The following CBX7 variants were observed in gnomAD, a reference collection of about 807,000 sequenced individuals.
The protein encoded by CBX7 is chromobox protein homolog 7.
In CBX7, 14 loss-of-function variants were observed where a neutral mutation model predicts 31.4. The ratio of observed to expected loss-of-function variants is 0.45; its 90% CI spans 0.29 to 0.70. The LOEUF (loss-of-function observed/expected upper bound fraction) is 0.70, where lower values mean the gene tolerates loss of function less well. CBX7 is among the 30% of genes least tolerant of loss of function. The pLI, the probability that CBX7 is intolerant of heterozygous loss-of-function variation, is 0.11. For synonymous variants in CBX7, 159 were observed against 152.6 expected, an observed-to-expected ratio of 1.04 and a Z score of -0.31; for missense variants, 269 against 351.9, an observed-to-expected ratio of 0.76 and a Z score of 1.89.
In CBX7 at chr22:39,149,516, G is replaced by A. The variant is rs1930777275; in HGVS notation, c.113+273C>T. ...CCCAGTTGCCAAGAAAAGCCACAGG[G>A]AGGGGAGGAGGGAGAGCAGAAGCTC... is the stretch of plus-strand genomic sequence containing the variant. On this transcript the variant is annotated intron_variant, in intron 2 of 5. Coordinates refer to ENST00000216133, the MANE Select transcript of CBX7 (RefSeq NM_175709.5). The A allele has an allele frequency of 2.5e-5, 13 of 527,152 alleles. No homozygotes were observed. In the South Asian group the frequency reaches 3.1e-4, roughly 13 times the overall value. The allele number at this position is 527,152 out of a possible 1,614,324, so 32.7% of individuals were successfully genotyped here.
chr22:39,134,695 A>G lies in CBX7; in HGVS notation c.304T>C (p.Cys102Arg), dbSNP rs762915001. The change falls in exon 5 of 6, where the codon TGC (cysteine) becomes CGC (arginine). Residue 102 changes from cysteine (C) to arginine (R), a missense_variant. Around this residue, in one of 2 missense-constraint regions of CBX7, gnomAD observed 222 missense variants for 240.4 expected, o/e 0.92. Coordinates refer to ENST00000216133, the MANE Select transcript of CBX7 (RefSeq NM_175709.5). ...CCGAGTGGGCACGTCAGGGAGAAGC[A>G]GAGCTTCTCCTTGCCCTTGGCCTTG... is the stretch of plus-strand genomic sequence containing the variant. ...SHKAKGKEKL[C>R]FSLTCPLGSG... 2.5e-6 allele frequency: 4 copies of G among 1,582,280 alleles called. No individual in the cohort carries two copies. Among genetic ancestry groups the G allele is most frequent in the Non-Finnish European group, 8.6e-7 (1 of 1,163,284 alleles).
At chr22:39,149,764 G>GACAC (rs776024849) in intron 2 of CBX7, 25 bp downstream of exon 2, 1 of 1,609,716 alleles carries the variant, frequency 6.2e-7, no homozygotes, top group Non-Finnish European at 8.5e-7. Flanking sequence ...CAGACAGACA[G>GACAC]ACACACACAC....
At chr22:39,137,339 T>G (rs930292000) in intron 4 of CBX7, among the ~76,000 whole-genome samples, 2 of 19,448 alleles carry the variant, frequency 1.0e-4, no homozygotes, top group African/African-American at 2.1e-4. Flanking sequence ...TTGTTTTTCT[T>G]GTTGGGGTGG....
At chr22:39,141,519 C>T (rs898130860) in intron 2 of CBX7, 83 bp from the exon 3 acceptor site, 39 of 1,163,120 alleles carry the variant, frequency 3.4e-5, no homozygotes, top group East Asian at 5.2e-5. Context: ...GAGGCCGAGG[C>T]GGGCAAATCA....
chr22:39,150,357 C>G (rs1472026628), intron 1 of CBX7, among the ~76,000 whole-genome samples: 1 of 152,174 alleles, frequency 6.6e-6, no homozygotes, highest in African/African-American at 2.4e-5. Flanking sequence ...CTTGAGGACT[C>G]TCAACTCAAA....
Position 39,134,436 on chromosome 22 carries a change from T to A in CBX7, c.563A>T (p.Glu188Val). 6.2e-7 allele frequency: 1 copy of A among 1,603,582 alleles called. No individual in the cohort carries two copies. Among genetic ancestry groups the A allele is most frequent in the Admixed American group, 1.7e-5 (1 of 59,964 alleles). ...AGGGGGCTGCGCAGCAGGCTCCCAC[T>A]CGCCAGCCGCCTGCAGGACGTCTGG... is the stretch of plus-strand genomic sequence containing the variant. The part of the protein sequence containing the change: ...PAPDVLQAAG[E>V]WEPAAQPPEE... The change falls in exon 5 of 6, where the codon GAG (glutamate) becomes GTG (valine). Residue 188 changes from glutamate to valine, a missense_variant. Around this residue, in one of 2 missense-constraint regions of CBX7, gnomAD observed 222 missense variants for 240.4 expected, o/e 0.92. Transcript: ENST00000216133.
In CBX7 at chr22:39,131,329, C is replaced by T. The variant is rs1184295086; in HGVS notation, c.*2562G>A. Reference sequence around the variant, plus strand: ...GCAGATGGGCAAATGCTTTCTAAACCCTCCCCCCACCCCCAAGAGTACTGG... The same window carrying T: ...GCAGATGGGCAAATGCTTTCTAAACTCTCCCCCCACCCCCAAGAGTACTGG... On this transcript the variant is annotated 3_prime_UTR_variant, in exon 6 of 6. Coordinates refer to ENST00000216133, the MANE Select transcript of CBX7 (RefSeq NM_175709.5). 6.6e-6 allele frequency: 1 copy of T among 152,624 alleles called. No homozygotes were observed. The highest frequency in any genetic ancestry group is 2.4e-5 in the African/African-American group (1 of 41,432). The allele number at this position is 152,624 out of a possible 1,614,324, so 9.5% of individuals were successfully genotyped here. A position where few individuals can be genotyped will look rare whatever the true frequency, so the allele number is the denominator to read the frequency against.
At position 39,152,349 on chromosome 22, in the gene CBX7, CT is replaced by C; in HGVS notation, c.69+26del. ...GGACGGGAGGGACCCCACTGGGGTC[CT>C]GGGAGCCGCCCCCGGGCAGCCTCAC... On this transcript the variant is annotated intron_variant, in intron 1 of 5. Coordinates refer to ENST00000216133, the MANE Select transcript of CBX7 (RefSeq NM_175709.5). The surrounding 1 kb of genome is among the most constrained non-coding windows in gnomAD (Gnocchi z 4.9). 7.3e-7 allele frequency: 1 copy of C among 1,370,438 alleles called. No individual in the cohort carries two copies. Among genetic ancestry groups the C allele is most frequent in the Non-Finnish European group, 9.5e-7 (1 of 1,053,724 alleles). 84.9% of individuals were successfully genotyped at this position (1,370,438 alleles called of 1,614,324 possible). A position where few individuals can be genotyped will look rare whatever the true frequency, so the allele number is the denominator to read the frequency against.
In CBX7 at chr22:39,138,681, C is replaced by T. The variant is rs757510924; in HGVS notation, c.201G>A (p.Ser67=). The change falls in exon 4 of 6, where the codon TCG becomes TCA. Residue 67 remains serine, a synonymous_variant. Coordinates refer to ENST00000216133, the MANE Select transcript of CBX7 (RefSeq NM_175709.5). ...GTTTCGGACCTCTCTTCCTATACCC[C>T]GATGCTCGGTCTCTCTCCTCCCTGG... is the stretch of plus-strand genomic sequence containing the variant. ...YEEKEERDRA[S]GYRKRGPKPK... The T allele has an allele frequency of 1.4e-5, 23 of 1,614,050 alleles. No homozygotes were observed. Among genetic ancestry groups the T allele is most frequent in the Admixed American group, 3.3e-5 (2 of 59,998 alleles).
rs1451182465 is a variant in CBX7, at chr22:39,149,625, G to A, written c.113+164C>T. On this transcript the variant is annotated intron_variant, in intron 2 of 5. Coordinates refer to ENST00000216133, the MANE Select transcript of CBX7 (RefSeq NM_175709.5). ...CACCTTGACCCTCCTGTGGTCCAGG[G>A]GGAAACTGAGGCCCAGAGAAGATGA... The A allele has an allele frequency of 9.0e-6, 6 of 666,988 alleles. No individual in the cohort carries two copies. The East Asian group carries it at 1.5e-4, about 17-fold the overall frequency. 41.3% of individuals were successfully genotyped at this position (666,988 alleles called of 1,614,324 possible).
intron 2 of CBX7, chr22:39,148,723 A>G (rs1930746446): frequency 5.2e-5 from 8 of 152,426 alleles, no homozygotes; most frequent in Admixed American, 4.6e-4. Flanking sequence ...CACCCAGAAC[A>G]TGTGCCCAGG....
At chr22:39,149,725 G>T in intron 2 of CBX7, 64 bp downstream of exon 2, 2 of 1,441,192 alleles carry the variant, frequency 1.4e-6, no homozygotes, top group Non-Finnish European at 9.8e-7. Flanking sequence ...GGGGCAAAAG[G>T]CAGGTGGAGG....
Position 39,152,099 on chromosome 22 carries a change from G to C in CBX7, c.69+277C>G, listed in dbSNP as rs1930879420. Among the ~76,000 whole-genome samples, 1 of 152,152 alleles carries C rather than the reference G, an allele frequency of 6.6e-6. No homozygotes were observed. The highest frequency in any genetic ancestry group is 2.1e-4 in the South Asian group (1 of 4,824). ...CCCATATTTACAATAAAAGGGGAGC[G>C]AGGTGGGATGGCGCTGAGGATCCCT... On this transcript the variant is annotated intron_variant, in intron 1 of 5. Coordinates refer to ENST00000216133, the MANE Select transcript of CBX7 (RefSeq NM_175709.5). This position sits in a 1 kb window ranked among gnomAD's most constrained non-coding sequence, Gnocchi z 4.9.
At position 39,133,211 on chromosome 22, in the gene CBX7, G is replaced by GCCTT. The variant is rs1386313032; in HGVS notation, c.*679_*680insAAGG. On this transcript the variant is annotated 3_prime_UTR_variant, in exon 6 of 6. Transcript: ENST00000216133. Reference sequence around the variant, plus strand: ...TCACGGGGCACATGGGAACGTACACGCGAAGGGTAATGCGTGCACACCTGT... The same window carrying GCCTT: ...TCACGGGGCACATGGGAACGTACACGCCTTCGAAGGGTAATGCGTGCACACCTGT... The GCCTT allele has an allele frequency of 3.3e-5, 5 of 152,214 alleles. No individual in the cohort carries two copies. Among genetic ancestry groups the GCCTT allele is most frequent in the Non-Finnish European group, 7.3e-5 (5 of 68,070 alleles). 9.4% of individuals were successfully genotyped at this position (152,214 alleles called of 1,614,324 possible).
chr22:39,150,060 T>C (rs570659163), intron 1 of CBX7, among the ~76,000 whole-genome samples: 3 of 151,720 alleles, frequency 2.0e-5, no homozygotes. Flanking sequence ...AGCACAGGAG[T>C]GCGTCTGGCT....
chr22:39,138,678 C>A lies in CBX7; in HGVS notation c.204G>T (p.Gly68=), dbSNP rs1299486169. The A allele has an allele frequency of 1.9e-6, 3 of 1,614,190 alleles. No homozygotes were observed. Among genetic ancestry groups the A allele is most frequent in the East Asian group, 2.2e-5 (1 of 44,886 alleles). ...TGGGTTTCGGACCTCTCTTCCTATA[C>A]CCCGATGCTCGGTCTCTCTCCTCCC... is the stretch of plus-strand genomic sequence containing the variant. ...EEKEERDRAS[G]YRKRGPKPKR... is the part of the protein sequence containing the mutation. Residue 68 remains glycine (G), a synonymous_variant, in exon 4 of 6, where the codon GGG becomes GGT. Transcript: ENST00000216133.
intron 2 of CBX7, among the ~76,000 whole-genome samples, chr22:39,141,780 C>T (rs187042128): frequency 6.6e-6 from 1 of 151,818 alleles, no homozygotes; most frequent in African/African-American, 2.4e-5. Flanking sequence ...ATCGCTTCTA[C>T]TGGGCAGGTG....
In CBX7 at chr22:39,134,055, C is replaced by T. The variant is rs749232480; in HGVS notation, c.599-7G>A. The T allele has an allele frequency of 2.1e-5, 34 of 1,587,620 alleles. No homozygotes were observed. The East Asian group carries it at 2.7e-4, about 13-fold the overall frequency. On this transcript the variant is annotated splice_region_variant and splice_polypyrimidine_tract_variant and intron_variant, in intron 5 of 5. Transcript: ENST00000216133. ...TCGGCCAGGTCGGCATCTGCTGCAG[C>T]GTCAGACACACAGATGGGGGCAGCG...
intron 2 of CBX7, chr22:39,149,245 C>T (rs1930768034): frequency 6.5e-6 from 1 of 153,374 alleles, no homozygotes; most frequent in Non-Finnish European, 1.5e-5. Context: ...TGACCTAAGG[C>T]AAGCTGCTTA....
Sources: gnomAD v4.1 joint callset for allele counts (sites outside exome capture counted in the v4.1 genomes callset) on GRCh38, gnomAD v4.1.1 for gene constraint, gnomAD v4.1.1 regional missense constraint, Gnocchi (gnomAD v3.1) non-coding constraint, MANE v1.5 for transcripts, NCBI Gene and HGNC (gene_info 2026-07-23, HGNC 2026-07-21) for gene names.